MYOF: variants seen among roughly 807,000 people sequenced by gnomAD.
The protein encoded by MYOF is fer-1-like 3, myoferlin.
In MYOF, 244 loss-of-function variants were observed where a neutral mutation model predicts 284.2. That is an observed-to-expected ratio of 0.86 (90% CI 0.77 to 0.95). The LOEUF (loss-of-function observed/expected upper bound fraction) is 0.95, where lower values mean the gene tolerates loss of function less well. Among genes scored for constraint, MYOF ranks in the 40% least tolerant of loss-of-function variants. MYOF has a pLI of 0.00. For synonymous variants in MYOF, 904 were observed against 919.7 expected (o/e 0.98, Z 0.31); for missense variants, 2,496 against 2,560.6 (o/e 0.97, Z 0.54).
At chr10:93,359,595 G>C (rs547548726) in intron 29 of MYOF, among the ~76,000 whole-genome samples, 2 of 152,326 alleles carry the variant, frequency 1.3e-5, no homozygotes, top group African/African-American at 4.8e-5. Context: ...CTGAACTACA[G>C]ATGGCTGGGC....
At chr10:93,442,041 C>CACACACACACAGAGAGAG (rs57700900) in intron 3 of MYOF, among the ~76,000 whole-genome samples, 8 of 142,738 alleles carry the variant, frequency 5.6e-5, no homozygotes, top group South Asian at 2.3e-4. Context: ...CACACACACA[C>CACACACACACAGAGAGAG]AGAATAAACC....
intron 1 of MYOF, among the ~76,000 whole-genome samples, chr10:93,476,146 A>G (rs2134404010): frequency 6.6e-6 from 1 of 151,724 alleles, no homozygotes. Context: ...TATGGTGCTC[A>G]CTGGGTGAAC....
intron 21 of MYOF, 82 bp downstream of exon 21, chr10:93,379,781 G>C (rs1846024963): frequency 1.9e-6 from 3 of 1,546,976 alleles, no homozygotes; most frequent in Admixed American, 1.7e-5. Context: ...GCACTTTCTT[G>C]TGTTATAGTG....
chr10:93,454,839 C>T (rs554472830), intron 2 of MYOF, among the ~76,000 whole-genome samples: 13 of 151,932 alleles, frequency 8.6e-5, no homozygotes, highest in Non-Finnish European at 1.9e-4. Flanking sequence ...ATTAGCTGGG[C>T]ATGGTGGCTT....
chr10:93,431,359 G>C (rs747586700), intron 4 of MYOF, 49 bp downstream of exon 4: 9 of 1,513,236 alleles, frequency 5.9e-6, no homozygotes, highest in Non-Finnish European at 8.2e-6. Flanking sequence ...ATGAAATTTT[G>C]CTCAATCATC....
chr10:93,404,277 T>A, intron 7 of MYOF, 58 bp from the exon 8 acceptor site: 1 of 1,572,144 alleles, frequency 6.4e-7, no homozygotes, highest in Admixed American at 1.8e-5. Context: ...GTTAGGGGAA[T>A]CTGATACTAT....
chr10:93,354,703 T>TCTCTCTCTCTCTCTCTCTG (rs1243618498), intron 31 of MYOF, among the ~76,000 whole-genome samples: 1 of 70,660 alleles, frequency 1.4e-5, no homozygotes. Flanking sequence ...CTCTCTCTCT[T>TCTCTCTCTCTCTCTCTCTG]TGTGAGATAG....
chr10:93,323,280 T>C lies in MYOF; in HGVS notation c.5350A>G (p.Lys1784Glu). ...GGATGACTGACTTACTTCTTGGCTTTCCGGGGTGTGATGTTGAAAGGAGGG... is the reference window on the plus strand; with the variant it reads ...GGATGACTGACTTACTTCTTGGCTTCCCGGGGTGTGATGTTGAAAGGAGGG... ...PGPPFNITPR[K>E]AKKYYLRVII... The change falls in exon 47 of 54, where the codon AAA becomes GAA. Residue 1784 changes from lysine (K) to glutamate (E), a missense_variant. By Grantham distance (56) the Lys-to-Glu change is moderately conservative. Coordinates refer to ENST00000359263, the MANE Select transcript of MYOF (RefSeq NM_013451.4). The C allele has an allele frequency of 6.2e-7, 1 of 1,614,162 alleles. No homozygotes were observed. Among genetic ancestry groups the C allele is most frequent in the Non-Finnish European group, 8.5e-7 (1 of 1,179,992 alleles).
intron 32 of MYOF, 41 bp downstream of exon 32, chr10:93,353,770 C>T (rs1306079760): frequency 1.4e-6 from 2 of 1,465,168 alleles, no homozygotes; most frequent in South Asian, 2.5e-5. Context: ...AAATAGCATG[C>T]TATGTAATCA....
intron 41 of MYOF, among the ~76,000 whole-genome samples, chr10:93,334,529 G>A (rs1843507948): frequency 6.6e-6 from 1 of 152,148 alleles, no homozygotes; most frequent in African/African-American, 2.4e-5. Context: ...CGGGTGAGGG[G>A]AGCATAAAGT....
chr10:93,372,282 C>T (rs1461996319), intron 24 of MYOF, among the ~76,000 whole-genome samples: 1 of 152,080 alleles, frequency 6.6e-6, no homozygotes, highest in African/African-American at 2.4e-5. Context: ...ACCTTTGATT[C>T]CCCATATACA....
intron 4 of MYOF, among the ~76,000 whole-genome samples, chr10:93,427,346 C>T (rs1317429725): frequency 4.6e-5 from 7 of 151,692 alleles, no homozygotes; most frequent in African/African-American, 1.7e-4. Context: ...GCTTGGCCAA[C>T]ACAGTAAAAC....
chr10:93,435,801 G>A (rs181484954), intron 3 of MYOF, among the ~76,000 whole-genome samples: 27 of 152,146 alleles, frequency 1.8e-4, no homozygotes, highest in African/African-American at 5.8e-4. Flanking sequence ...AAATTAGCTG[G>A]TTGTAGTGGC....
chr10:93,431,525 A>G lies in MYOF; in HGVS notation c.237-9T>C, dbSNP rs1046207170. On this transcript the variant is annotated splice_polypyrimidine_tract_variant and intron_variant, in intron 3 of 53. Transcript: ENST00000359263. ...TCGCCGTGCCAATTAATCTGCAGGG[A>G]AAACAGGAAAGCACATAGCAGCCTA... 1.2e-6 allele frequency: 2 copies of G among 1,611,282 alleles called. No individual in the cohort carries two copies. Among genetic ancestry groups the G allele is most frequent in the Non-Finnish European group, 8.5e-7 (1 of 1,177,916 alleles).
intron 52 of MYOF, 101 bp from the exon 53 acceptor site, chr10:93,310,268 A>G: frequency 1.4e-6 from 2 of 1,428,082 alleles, no homozygotes; most frequent in Non-Finnish European, 1.9e-6. Flanking sequence ...CACATTAATA[A>G]GGTCAAGAAA....
intron 3 of MYOF, among the ~76,000 whole-genome samples, chr10:93,445,468 T>G (rs2056403395): frequency 6.6e-6 from 1 of 152,230 alleles, no homozygotes; most frequent in African/African-American, 2.4e-5. Flanking sequence ...ACTCTGACAT[T>G]TCCTCTAAAA....
chr10:93,344,593 A>G (rs1844086803), intron 37 of MYOF, among the ~76,000 whole-genome samples: 2 of 152,074 alleles, frequency 1.3e-5, no homozygotes, highest in Non-Finnish European at 2.9e-5. Flanking sequence ...AAGGGAAAGG[A>G]GGGGTGAGAG....
intron 38 of MYOF, chr10:93,342,105 C>T: frequency 4.3e-6 from 2 of 468,976 alleles, no homozygotes; most frequent in Non-Finnish European, 7.3e-6. Context: ...TTAAGAATTT[C>T]CATGGACATC....
intron 5 of MYOF, 124 bp from the exon 6 acceptor site, chr10:93,409,863 A>ACC: frequency 2.5e-6 from 3 of 1,184,370 alleles, no homozygotes; most frequent in Admixed American, 4.5e-5. Flanking sequence ...GTGGCAGGTG[A>ACC]AGGAGATCCT....
Sources: gnomAD v4.1 joint callset for allele counts (sites outside exome capture counted in the v4.1 genomes callset) on GRCh38, gnomAD v4.1.1 for gene constraint, MANE v1.5 for transcripts, NCBI Gene and HGNC (gene_info 2026-07-23, HGNC 2026-07-21) for gene names.